ZNF562: variants seen among roughly 807,000 people sequenced by gnomAD.
The protein encoded by ZNF562 is zinc finger protein 562.
Under a neutral mutation model 17.5 loss-of-function variants are expected in ZNF562, and 13 were observed. The ratio of observed to expected loss-of-function variants is 0.74; its 90% CI spans 0.48 to 1.18. The LOEUF (loss-of-function observed/expected upper bound fraction) is 1.18. Among genes scored for constraint, ZNF562 ranks in the 50% most tolerant of loss-of-function variants. The probability of loss-of-function intolerance (pLI) is 0.00; values close to 1 mark genes in which losing one functional copy is unlikely to be tolerated. For synonymous variants in ZNF562, 163 were observed against 165.4 expected (o/e 0.99, Z 0.11); for missense variants, 481 against 498.5 (o/e 0.96, Z 0.33).
intron 4 of ZNF562, among the ~76,000 whole-genome samples, chr19:9,657,144 A>C (rs909988004): frequency 6.6e-6 from 1 of 151,856 alleles, no homozygotes; most frequent in African/African-American, 2.4e-5. Context: ...ATGTGTTTAG[A>C]TAGTTTATAA....
intron 5 of ZNF562, 53 bp downstream of exon 5, chr19:9,656,494 G>C: frequency 1.3e-6 from 2 of 1,593,102 alleles, no homozygotes; most frequent in Non-Finnish European, 1.7e-6. Flanking sequence ...GGCAGAGCAA[G>C]ACTCCGTCTC....
At chr19:9,669,732 G>GCGCGCA (rs2044096579) in intron 1 of ZNF562, among the ~76,000 whole-genome samples, 1 of 76,776 alleles carries the variant, frequency 1.3e-5, no homozygotes, top group Non-Finnish European at 3.0e-5. Flanking sequence ...GCGCGCGCGC[G>GCGCGCA]CGCACACACA....
At chr19:9,657,116 G>A (rs1361832972) in intron 4 of ZNF562, among the ~76,000 whole-genome samples, 8 of 151,106 alleles carry the variant, frequency 5.3e-5, no homozygotes, top group African/African-American at 1.7e-4. Flanking sequence ...TAAGGATGTG[G>A]GGTTTATTAC....
Position 9,642,917 on chromosome 19 carries a change from C to T in ZNF562, c.*10032G>A, listed in dbSNP as rs2074782037. 6.6e-6 allele frequency: 1 copy of T among 151,812 alleles called. No homozygotes were observed. The highest frequency in any genetic ancestry group is 1.5e-5 in the Non-Finnish European group (1 of 68,020). The allele number at this position is 151,812 out of a possible 1,614,324, so 9.4% of individuals were successfully genotyped here. On this transcript the variant is annotated 3_prime_UTR_variant, in exon 6 of 6. Transcript: ENST00000453372. The stretch of plus-strand genomic sequence containing the variant: ...ATTAGCCGGGCCTGGTGGTACATGC[C>T]TGCATTCCCAGCTACTCAGAAGGCT...
intron 1 of ZNF562, among the ~76,000 whole-genome samples, chr19:9,673,293 C>T (rs1016756622): frequency 1.3e-5 from 2 of 152,172 alleles, no homozygotes; most frequent in East Asian, 1.9e-4. Flanking sequence ...CCTCCCTTAT[C>T]TGGTGTACTC....
intron 1 of ZNF562, among the ~76,000 whole-genome samples, chr19:9,666,812 C>A (rs191547821): frequency 2.8e-4 from 43 of 152,150 alleles, no homozygotes; most frequent in Non-Finnish European, 2.9e-4. Flanking sequence ...ATACAACCTA[C>A]CAAGACTGAA....
At position 9,655,669 on chromosome 19, in the gene ZNF562, C is replaced by T. The variant is rs556925474; in HGVS notation, c.348+878G>A. Among the ~76,000 whole-genome samples the T allele has an allele frequency of 5.3e-5, 8 of 149,840 alleles. No homozygotes were observed. In the South Asian group the frequency reaches 1.5e-3, roughly 28 times the overall value. On this transcript the variant is annotated intron_variant, in intron 5 of 5. Coordinates refer to ENST00000453372, the MANE Select transcript of ZNF562 (RefSeq NM_001130031.2). Reference sequence around the variant, plus strand: ...TGCTAACCTCAAGTGATCCACACACCTCCACATCCCAAAGTGCTGGGATTA... The same window carrying T: ...TGCTAACCTCAAGTGATCCACACACTTCCACATCCCAAAGTGCTGGGATTA...
intron 1 of ZNF562, among the ~76,000 whole-genome samples, chr19:9,671,659 T>C (rs553172286): frequency 2.6e-5 from 4 of 152,362 alleles, no homozygotes; most frequent in African/African-American, 9.6e-5. Context: ...TCCTAAGCAC[T>C]TGGTCCACCT....
chr19:9,656,265 T>A (rs2043479598), intron 5 of ZNF562, among the ~76,000 whole-genome samples: 1 of 152,164 alleles, frequency 6.6e-6, no homozygotes, highest in Non-Finnish European at 1.5e-5. Context: ...ATCCCAGCAC[T>A]TTGGGAGGTC....
rs555147193 is a variant in ZNF562, at chr19:9,662,484, C to A, written c.-130-1610G>T. 4.0e-5 allele frequency among the ~76,000 whole-genome samples: 6 copies of A among 151,842 alleles called. No homozygotes were observed. The East Asian group carries it at 1.2e-3, about 29-fold the overall frequency. On this transcript the variant is annotated intron_variant, in intron 1 of 5. Coordinates refer to ENST00000453372, the MANE Select transcript of ZNF562 (RefSeq NM_001130031.2). Reference sequence around the variant, plus strand: ...GGCTGAGGCAGGAGAATTGCTTGATCCCGGGAGGCAGAGGTTGCAGTGAGC... The same window carrying A: ...GGCTGAGGCAGGAGAATTGCTTGATACCGGGAGGCAGAGGTTGCAGTGAGC...
chr19:9,670,072 A>T (rs2044128238), intron 1 of ZNF562, among the ~76,000 whole-genome samples: 1 of 151,944 alleles, frequency 6.6e-6, no homozygotes, highest in South Asian at 2.1e-4. Flanking sequence ...AAAAAATCAA[A>T]GAAACAAACA....
chr19:9,660,905 T>C, intron 1 of ZNF562, 31 bp from the exon 2 acceptor site: 1 of 590,440 alleles, frequency 1.7e-6, no homozygotes, highest in Non-Finnish European at 2.9e-6. Context: ...ACAACAAGCA[T>C]CAAACATCAG....
intron 1 of ZNF562, among the ~76,000 whole-genome samples, chr19:9,672,777 C>CTTTTTTTTT (rs869261585): frequency 8.9e-6 from 1 of 112,236 alleles, no homozygotes; most frequent in African/African-American, 3.5e-5. Context: ...TATTGCCTTT[C>CTTTTTTTTT]TTTTTTTTTT....
At chr19:9,674,086 G>A (rs1485610655) in intron 1 of ZNF562, among the ~76,000 whole-genome samples, 1 of 152,244 alleles carries the variant, frequency 6.6e-6, no homozygotes, top group African/African-American at 2.4e-5. Context: ...CTTGAGGAAA[G>A]TGGCCCCTGC....
rs2043420032 is a variant in ZNF562 at position 9,655,225 on chromosome 19, G to A, written c.348+1322C>T. Among the ~76,000 whole-genome samples, 3 of 152,122 alleles carry A rather than the reference G, an allele frequency of 2.0e-5. No homozygotes were observed. In the East Asian group the frequency reaches 5.8e-4, roughly 29 times the overall value. Reference sequence around the variant, plus strand: ...GCTGGTCTTGATCTCCTAGACTCAAGCAATTCTCCTGCCTCAGCTTCCCAA... The same window carrying A: ...GCTGGTCTTGATCTCCTAGACTCAAACAATTCTCCTGCCTCAGCTTCCCAA... On this transcript the variant is annotated intron_variant, in intron 5 of 5. Coordinates refer to ENST00000453372, the MANE Select transcript of ZNF562 (RefSeq NM_001130031.2).
intron 1 of ZNF562, among the ~76,000 whole-genome samples, chr19:9,662,184 G>T (rs2043775551): frequency 6.6e-6 from 1 of 152,210 alleles, no homozygotes; most frequent in Non-Finnish European, 1.5e-5. Context: ...CCAGAAGACA[G>T]CCCAGACTTG....
chr19:9,650,405 T>TACACACACACAC lies in ZNF562; in HGVS notation c.*2532_*2543dup, dbSNP rs113537828. 3 of 140,674 alleles carry TACACACACACAC rather than the reference T, an allele frequency of 2.1e-5. No homozygotes were observed. The highest frequency in any genetic ancestry group is 7.8e-5 in the African/African-American group (3 of 38,286). The allele number at this position is 140,674 out of a possible 1,614,324, so 8.7% of individuals were successfully genotyped here. ...ATATATATGTATATATATATACACA[T>TACACACACACAC]ACACACACACACACACACACACACA... On this transcript the variant is annotated 3_prime_UTR_variant, in exon 6 of 6. Coordinates refer to ENST00000453372, the MANE Select transcript of ZNF562 (RefSeq NM_001130031.2).
rs1356212513 is a variant in ZNF562 at position 9,659,470 on chromosome 19, A to G, written c.26-3T>C. On this transcript the variant is annotated splice_polypyrimidine_tract_variant and splice_region_variant and intron_variant, in intron 2 of 5. Transcript: ENST00000453372. ...GATTGGTTCCCTGGGAAAAAACCCT[A>G]GTGGAAAAGTAAGAAGGCATGAGAA... 1 of 1,550,718 alleles carries G rather than the reference A, an allele frequency of 6.4e-7. No individual in the cohort carries two copies. Among genetic ancestry groups the G allele is most frequent in the Non-Finnish European group, 8.7e-7 (1 of 1,146,776 alleles).
At position 9,649,783 on chromosome 19, in the gene ZNF562, C is replaced by T. The variant is rs1193832397; in HGVS notation, c.*3166G>A. 4 of 152,268 alleles carry T rather than the reference C, an allele frequency of 2.6e-5. No homozygotes were observed. The East Asian group carries it at 5.8e-4, about 22-fold the overall frequency. 9.4% of individuals were successfully genotyped at this position (152,268 alleles called of 1,614,324 possible). A position where few individuals can be genotyped will look rare whatever the true frequency, so the allele number is the denominator to read the frequency against. ...TGTGATCTCGCCCTGCCTCCACTTG[C>T]CTTGTGATATTCTATTACCTTGTAA... On this transcript the variant is annotated 3_prime_UTR_variant, in exon 6 of 6. Coordinates refer to ENST00000453372, the MANE Select transcript of ZNF562 (RefSeq NM_001130031.2).
Sources: gnomAD v4.1 joint callset for allele counts (sites outside exome capture counted in the v4.1 genomes callset) on GRCh38, gnomAD v4.1.1 for gene constraint, MANE v1.5 for transcripts, NCBI Gene and HGNC (gene_info 2026-07-23, HGNC 2026-07-21) for gene names.